Variants in EXOC4 observed in about 807,000 individuals in gnomAD.
EXOC4 encodes SEC8-like 1.
EXOC4 carries 71 observed loss-of-function variants against 107.2 expected under a neutral mutation model. The ratio of observed to expected loss-of-function variants is 0.66; its 90% CI spans 0.55 to 0.81. EXOC4 has a LOEUF of 0.81. Ranked by LOEUF, EXOC4 falls within the 30% of genes least tolerant of loss-of-function variation. The pLI, the probability that EXOC4 is intolerant of heterozygous loss-of-function variation, is 0.00. For synonymous variants in EXOC4, 456 were observed against 441.2 expected, an observed-to-expected ratio of 1.03 and a Z score of -0.42; for missense variants, 1,108 against 1,189.6, an observed-to-expected ratio of 0.93 and a Z score of 1.01.
intron 11 of EXOC4, among the ~76,000 whole-genome samples, chr7:133,885,790 A>G (rs1200914426): frequency 6.6e-6 from 1 of 152,168 alleles, no homozygotes; most frequent in Non-Finnish European, 1.5e-5. Flanking sequence ...AGTCACTCGT[A>G]ATTTAGTGTG....
At chr7:133,602,281 G>C (rs907329493) in intron 9 of EXOC4, among the ~76,000 whole-genome samples, 4 of 152,192 alleles carry the variant, frequency 2.6e-5, no homozygotes, top group Admixed American at 6.5e-5. Flanking sequence ...TCTTGTACTG[G>C]CAATGGCTTT....
chr7:133,714,389 T>A (rs1440837995), intron 10 of EXOC4, among the ~76,000 whole-genome samples: 1 of 152,196 alleles, frequency 6.6e-6, no homozygotes, highest in Non-Finnish European at 1.5e-5. Flanking sequence ...TGTTAGCAAG[T>A]CATCCCCATT....
intron 10 of EXOC4, among the ~76,000 whole-genome samples, chr7:133,669,285 T>C (rs1793893367): frequency 6.6e-6 from 1 of 151,784 alleles, no homozygotes; most frequent in South Asian, 2.1e-4. Context: ...AAGGAGCTCC[T>C]ATGGCCTGGC....
At chr7:133,478,299 G>A (rs187824) in intron 8 of EXOC4, among the ~76,000 whole-genome samples, 3 of 147,442 alleles carry the variant, frequency 2.0e-5, no homozygotes, top group Non-Finnish European at 3.0e-5. Flanking sequence ...TGCTTCTGAA[G>A]TTGTGGTATT....
chr7:134,082,760 C>T, the EXOC4 span, among the ~76,000 whole-genome samples: 1 of 152,118 alleles, frequency 6.6e-6, no homozygotes. Context: ...GTTTTATCAG[C>T]AAGCTCTTTA....
intron 9 of EXOC4, among the ~76,000 whole-genome samples, chr7:133,495,660 A>G (rs1432737670): frequency 6.6e-6 from 1 of 152,192 alleles, no homozygotes; most frequent in Non-Finnish European, 1.5e-5. Context: ...GTGGATTTGC[A>G]TATCAGTTTT....
At chr7:133,299,048 C>T (rs772138988) in intron 3 of EXOC4, among the ~76,000 whole-genome samples, 10 of 152,030 alleles carry the variant, frequency 6.6e-5, no homozygotes, top group Non-Finnish European at 1.2e-4. Context: ...TTTTTGCAAA[C>T]ACTTTGCATG....
At chr7:133,731,567 G>A (rs1166773908) in intron 10 of EXOC4, among the ~76,000 whole-genome samples, 2 of 152,102 alleles carry the variant, frequency 1.3e-5, no homozygotes, top group Admixed American at 6.6e-5. Flanking sequence ...ATAGTAACAT[G>A]TCTAGCCAAA....
In EXOC4 at chr7:134,064,292, C is replaced by T; in HGVS notation, c.2689C>T (p.Gln897Ter). The change falls in exon 18 of 18, where the codon CAG (glutamine) becomes TAG (stop). Residue 897 changes from glutamine to a stop codon, truncating the protein, a stop_gained and splice_region_variant. Transcript: ENST00000253861. LOFTEE classifies it high-confidence loss of function. ...CAGTGTTCTCTCTTGCTTTCTCAGGCAGTACTACGAGATGCTTTACAACAC... is the reference window on the plus strand; with the variant it reads ...CAGTGTTCTCTCTTGCTTTCTCAGGTAGTACTACGAGATGCTTTACAACAC... ...SREADLDFAR[Q>*]YYEMLYNTAD... 1 of 1,426,520 alleles carries T rather than the reference C, an allele frequency of 7.0e-7. No homozygotes were observed. Among genetic ancestry groups the T allele is most frequent in the Non-Finnish European group, 9.3e-7 (1 of 1,079,064 alleles). The allele number at this position is 1,426,520 out of a possible 1,614,324, so 88.4% of individuals were successfully genotyped here. A position where few individuals can be genotyped will look rare whatever the true frequency, so the allele number is the denominator to read the frequency against.
intron 5 of EXOC4, 30 bp from the exon 6 acceptor site, chr7:133,356,300 A>G: frequency 1.9e-6 from 3 of 1,609,710 alleles, no homozygotes; most frequent in South Asian, 2.2e-5. Context: ...TGGAGTCTGT[A>G]TCTATTATTG....
intron 11 of EXOC4, among the ~76,000 whole-genome samples, chr7:133,855,572 A>C (rs1255584480): frequency 6.6e-6 from 1 of 152,090 alleles, no homozygotes; most frequent in Non-Finnish European, 1.5e-5. Context: ...CTCCACCCTA[A>C]GTGCCTGTGT....
chr7:133,634,273 A>G (rs1022255880), intron 10 of EXOC4, among the ~76,000 whole-genome samples: 2 of 152,078 alleles, frequency 1.3e-5, no homozygotes, highest in African/African-American at 4.8e-5. Context: ...TAATTTGTTC[A>G]TTCCCCATTA....
At chr7:133,277,166 C>G (rs1170320456) in intron 2 of EXOC4, among the ~76,000 whole-genome samples, 1 of 152,102 alleles carries the variant, frequency 6.6e-6, no homozygotes. Context: ...TAATTCTTTG[C>G]CTTTACAAGT....
At chr7:133,382,360 A>C (rs1796636920) in intron 7 of EXOC4, among the ~76,000 whole-genome samples, 1 of 152,162 alleles carries the variant, frequency 6.6e-6, no homozygotes, top group East Asian at 1.9e-4. Context: ...GTTTAGTGTT[A>C]AATTATTGGG....
chr7:134,030,986 A>G (rs1795257838), intron 17 of EXOC4, among the ~76,000 whole-genome samples: 1 of 152,112 alleles, frequency 6.6e-6, no homozygotes. Flanking sequence ...CCTCAAAAAC[A>G]TTGTGCTAAA....
chr7:133,454,113 T>C (rs904408987), intron 7 of EXOC4, among the ~76,000 whole-genome samples: 7 of 152,214 alleles, frequency 4.6e-5, no homozygotes, highest in South Asian at 2.1e-4. Flanking sequence ...AAAGACATGC[T>C]ACTATTACAG....
chr7:133,819,863 C>G (rs1269888968), intron 11 of EXOC4, among the ~76,000 whole-genome samples: 1 of 152,056 alleles, frequency 6.6e-6, no homozygotes, highest in Non-Finnish European at 1.5e-5. Flanking sequence ...AATCATAACT[C>G]ATTGATCTGG....
At chr7:133,483,643 A>C (rs1050508261) in intron 9 of EXOC4, among the ~76,000 whole-genome samples, 1 of 152,252 alleles carries the variant, frequency 6.6e-6, no homozygotes, top group Non-Finnish European at 1.5e-5. Context: ...GTTCCTAATA[A>C]TCATTAAAAA....
chr7:133,443,829 G>A (rs1486336780), intron 7 of EXOC4, among the ~76,000 whole-genome samples: 5 of 152,176 alleles, frequency 3.3e-5, no homozygotes, highest in Non-Finnish European at 5.9e-5. Flanking sequence ...GTGCTTAAGT[G>A]TTGGCTTCTA....
Sources: gnomAD v4.1 joint callset for allele counts (sites outside exome capture counted in the v4.1 genomes callset) on GRCh38, gnomAD v4.1.1 for gene constraint, MANE v1.5 for transcripts, NCBI Gene and HGNC (gene_info 2026-07-23, HGNC 2026-07-21) for gene names.